The following MATN2 variants were observed in gnomAD, a reference collection of about 807,000 sequenced individuals.
MATN2 encodes the protein matrilin-2.
A neutral mutation model predicts 103.2 loss-of-function variants in MATN2; 69 were observed. That is an observed-to-expected ratio of 0.67 (90% CI 0.55 to 0.82). The LOEUF (loss-of-function observed/expected upper bound fraction) is 0.82, where lower values mean the gene tolerates loss of function less well. Ranked by LOEUF, MATN2 falls within the 40% of genes least tolerant of loss-of-function variation. The pLI, the probability that MATN2 is intolerant of heterozygous loss-of-function variation, is 0.00. For missense variants in MATN2, 1,023 were observed against 1,211.5 expected, an observed-to-expected ratio of 0.84 and a Z score of 2.31; for synonymous variants, 429 against 450.2, an observed-to-expected ratio of 0.95 and a Z score of 0.60.
At chr8:97,898,328 G>A (rs1228346180) in intron 2 of MATN2, among the ~76,000 whole-genome samples, 2 of 152,120 alleles carry the variant, frequency 1.3e-5, no homozygotes, top group South Asian at 2.1e-4. Flanking sequence ...GGGTGCGGTG[G>A]CTCATGCCTG....
At chr8:97,913,689 A>T (rs926952851) in intron 2 of MATN2, among the ~76,000 whole-genome samples, 2 of 146,424 alleles carry the variant, frequency 1.4e-5, no homozygotes, top group African/African-American at 5.1e-5. Context: ...ATCTCGGCTC[A>T]CTGCAACCTC....
rs541276314 is a variant in MATN2 at position 97,915,099 on chromosome 8, G to A, written c.143-15854G>A. On this transcript the variant is annotated intron_variant, in intron 2 of 18. Coordinates refer to ENST00000254898, the MANE Select transcript of MATN2 (RefSeq NM_002380.5). ...CCTCTTGGGCTCAAGCGATCCTCCC[G>A]CCTCAGCCTCCCAAGTAACTGGGAC... 4.3e-4 allele frequency among the ~76,000 whole-genome samples: 66 copies of A among 152,184 alleles called. 2 individuals carry two copies. The South Asian group carries it at 0.012, about 29-fold the overall frequency.
intron 4 of MATN2, among the ~76,000 whole-genome samples, chr8:97,953,881 G>C (rs2130235386): frequency 6.6e-6 from 1 of 151,602 alleles, no homozygotes; most frequent in South Asian, 2.1e-4. Flanking sequence ...AGGATTGCTT[G>C]AGCTCGGGAA....
At position 98,007,558 on chromosome 8, in the gene MATN2, T is replaced by A. The variant is rs776326357; in HGVS notation, c.1530T>A (p.Cys510Ter). The change falls in exon 10 of 19, where the codon TGT (cysteine) becomes TGA (stop). Residue 510 changes from cysteine to a stop codon, truncating the protein, a stop_gained. Transcript: ENST00000254898. LOFTEE classifies it high-confidence loss of function. The surrounding 1 kb of genome is among the most constrained non-coding windows in gnomAD (Gnocchi z 4.2). ...VNMDRSFACQ[C>*]PEGHVLRSDG... Reference sequence around the variant, plus strand: ...TGGACAGATCCTTTGCCTGTCAGTGTCCTGAGGGACACGTGCTCCGCAGCG... The same window carrying A: ...TGGACAGATCCTTTGCCTGTCAGTGACCTGAGGGACACGTGCTCCGCAGCG... The A allele has an allele frequency of 1.2e-6, 2 of 1,613,428 alleles. No homozygotes were observed. The highest frequency in any genetic ancestry group is 2.2e-5 in the South Asian group (2 of 91,072).
chr8:97,899,852 G>A (rs551580804), intron 2 of MATN2, among the ~76,000 whole-genome samples: 7 of 152,164 alleles, frequency 4.6e-5, no homozygotes, highest in Non-Finnish European at 8.8e-5. Flanking sequence ...TTTCTAAATA[G>A]CCTCTTTTTC....
intron 5 of MATN2, among the ~76,000 whole-genome samples, chr8:97,964,656 A>G (rs1811427883): frequency 6.6e-6 from 1 of 151,830 alleles, no homozygotes; most frequent in Admixed American, 6.6e-5. Flanking sequence ...GCTGGTCTCA[A>G]TCTCCTGGGC....
intron 2 of MATN2, among the ~76,000 whole-genome samples, chr8:97,907,601 C>T (rs531167209): frequency 2.6e-5 from 4 of 151,878 alleles, no homozygotes; most frequent in Admixed American, 6.6e-5. Context: ...GGATTACAGG[C>T]GTGAGCCATG....
At chr8:97,978,607 C>T (rs1811915829) in intron 5 of MATN2, among the ~76,000 whole-genome samples, 2 of 152,240 alleles carry the variant, frequency 1.3e-5, no homozygotes, top group South Asian at 4.2e-4. Flanking sequence ...GTAAGTGCAC[C>T]TTGTGATGAT....
At chr8:97,884,910 T>C (rs991112231) in intron 1 of MATN2, among the ~76,000 whole-genome samples, 3 of 152,250 alleles carry the variant, frequency 2.0e-5, no homozygotes, top group African/African-American at 7.2e-5. Flanking sequence ...TTAGGTCTAC[T>C]GTTATCTCCG....
At chr8:97,985,337 C>A (rs905933384) in intron 6 of MATN2, among the ~76,000 whole-genome samples, 1 of 152,138 alleles carries the variant, frequency 6.6e-6, no homozygotes, top group African/African-American at 2.4e-5. Flanking sequence ...TTAGGGATTC[C>A]CCACCATGAC....
chr8:98,024,488 G>C (rs1813715491), intron 13 of MATN2, among the ~76,000 whole-genome samples: 1 of 151,724 alleles, frequency 6.6e-6, no homozygotes, highest in South Asian at 2.1e-4. Context: ...CTGGGCGAGA[G>C]AGCGAGATGC....
chr8:97,940,493 G>A lies in MATN2; in HGVS notation c.713-1284G>A, dbSNP rs533471006. Among the ~76,000 whole-genome samples the A allele has an allele frequency of 7.9e-5, 12 of 152,192 alleles. No homozygotes were observed. The South Asian group carries it at 1.5e-3, about 18-fold the overall frequency. On this transcript the variant is annotated intron_variant, in intron 3 of 18. Coordinates refer to ENST00000254898, the MANE Select transcript of MATN2 (RefSeq NM_002380.5). ...ATTCTAAATTGTATTGTTGTGAAAT[G>A]AAACAGCTTTACTTCCCTAGTTCAT... is the stretch of plus-strand genomic sequence containing the variant.
At chr8:97,966,959 G>A (rs1362647623) in intron 5 of MATN2, among the ~76,000 whole-genome samples, 1 of 152,200 alleles carries the variant, frequency 6.6e-6, no homozygotes, top group Non-Finnish European at 1.5e-5. Flanking sequence ...CATGACACCA[G>A]CATCTGCTTC....
intron 1 of MATN2, among the ~76,000 whole-genome samples, chr8:97,875,522 C>T (rs1317629212): frequency 6.6e-6 from 1 of 152,066 alleles, no homozygotes; most frequent in African/African-American, 2.4e-5. Flanking sequence ...ATGTAACTGC[C>T]CCCAAGATCT....
At chr8:97,936,268 G>A (rs575827204) in intron 3 of MATN2, among the ~76,000 whole-genome samples, 1 of 152,196 alleles carries the variant, frequency 6.6e-6, no homozygotes, top group Non-Finnish European at 1.5e-5. Flanking sequence ...GGGCGAGATT[G>A]CTTTTAATTA....
chr8:98,020,844 T>G (rs1401583422), intron 12 of MATN2, among the ~76,000 whole-genome samples: 1 of 152,224 alleles, frequency 6.6e-6, no homozygotes, highest in Non-Finnish European at 1.5e-5. Flanking sequence ...GGGCTGTAAG[T>G]ACTTCGAAGA....
chr8:97,955,088 AG>A (rs1218896175), intron 4 of MATN2, among the ~76,000 whole-genome samples: 1 of 152,202 alleles, frequency 6.6e-6, no homozygotes, highest in Non-Finnish European at 1.5e-5. Context: ...GAAAATGGAG[AG>A]GGCCATGTAA....
In MATN2 at chr8:98,033,654, A is replaced by G; in HGVS notation, c.2810A>G (p.Gln937Arg). The change falls in exon 18 of 19, where the codon CAG (glutamine) becomes CGG (arginine). Residue 937 changes from glutamine to arginine, a missense_variant. Coordinates refer to ENST00000254898, the MANE Select transcript of MATN2 (RefSeq NM_002380.5). ...AACGAAGAAGTAAGAAAATTAACAC[A>G]GCGCTATATCCTTTTCTTGCATTAT... ...LANEEVRKLTQRLEEMTQRME... is the reference protein window; with the variant it reads ...LANEEVRKLTRRLEEMTQRME... 2 of 1,590,152 alleles carry G rather than the reference A, an allele frequency of 1.3e-6. No homozygotes were observed. Among genetic ancestry groups the G allele is most frequent in the Non-Finnish European group, 8.6e-7 (1 of 1,163,530 alleles).
rs758373477 is a variant in MATN2, at chr8:98,007,598, G to T, written c.1570G>T (p.Ala524Ser). The T allele has an allele frequency of 6.2e-7, 1 of 1,609,586 alleles. No homozygotes were observed. The highest frequency in any genetic ancestry group is 1.7e-5 in the Admixed American group (1 of 59,934). The part of the protein sequence containing the change: ...HVLRSDGKTC[A>S]KLDSCALGDH... ...GCTCCGCAGCGATGGGAAGACGTGT[G>T]CAAGTAAGTGTCTGAAGGACAAGCA... The change falls in exon 10 of 19, where the codon GCA becomes TCA. Residue 524 changes from alanine (A) to serine (S), a missense_variant. Coordinates refer to ENST00000254898, the MANE Select transcript of MATN2 (RefSeq NM_002380.5). The surrounding 1 kb of genome is among the most constrained non-coding windows in gnomAD (Gnocchi z 4.2).
Sources: allele counts gnomAD v4.1 joint callset (sites outside exome capture counted in the v4.1 genomes callset), GRCh38; gene constraint gnomAD v4.1.1; non-coding constraint Gnocchi (gnomAD v3.1); transcripts MANE v1.5; gene names NCBI Gene and HGNC (gene_info 2026-07-23, HGNC 2026-07-21).